Variants in PCDHGA3 observed in about 807,000 individuals in gnomAD.
PCDHGA3 encodes the protein protocadherin gamma subfamily A, 3.
A neutral mutation model predicts 58.5 loss-of-function variants in PCDHGA3; 40 were observed. The ratio of observed to expected loss-of-function variants is 0.68; its 90% confidence interval spans 0.53 to 0.89. The LOEUF is 0.89. PCDHGA3 is among the 40% of genes least tolerant of loss of function. The pLI is 0.00. For synonymous variants in PCDHGA3, 530 were observed against 525.7 expected, an observed-to-expected ratio of 1.01 and a Z score of -0.11; for missense variants, 1,223 against 1,195.9, an observed-to-expected ratio of 1.02 and a Z score of -0.33.
intron 1 of PCDHGA3, among the ~76,000 whole-genome samples, chr5:141,347,137 C>CTCTTTCTTTCTTTCTT (rs70988799): frequency 0.086 from 9,761 of 113,734 alleles, 841 homozygotes; most frequent in African/African-American, 0.13. Flanking sequence ...CTCTGTTTCT[C>CTCTTTCTTTCTTTCTT]TCTTTCTTTC....
At chr5:141,360,676 G>C in intron 1 of PCDHGA3, 2 of 1,613,952 alleles carry the variant, frequency 1.2e-6, no homozygotes, top group Non-Finnish European at 1.7e-6. Flanking sequence ...CTTTGATCTC[G>C]CTGAGAAACA....
Position 141,476,855 on chromosome 5 carries a change from T to C in PCDHGA3, c.2425-17952T>C, listed in dbSNP as rs149491772. The C allele has an allele frequency of 3.2e-4, 519 of 1,613,836 alleles. 3 individuals carry two copies. The African/African-American group carries it at 6.2e-3, about 19-fold the overall frequency. Reference sequence around the variant, plus strand: ...TGACAATGCGCCTGTCTTCAACCAGTCCTTGTACCGGGCGCGCGTCCTGGA... The same window carrying C: ...TGACAATGCGCCTGTCTTCAACCAGCCCTTGTACCGGGCGCGCGTCCTGGA... On this transcript the variant is annotated intron_variant, in intron 1 of 3. Coordinates refer to ENST00000253812, the MANE Select transcript of PCDHGA3 (RefSeq NM_018916.4). This position sits in a 1 kb window ranked among gnomAD's most constrained non-coding sequence, Gnocchi z 7.6.
intron 1 of PCDHGA3, chr5:141,439,898 C>T (rs1428014089): frequency 6.6e-6 from 1 of 152,344 alleles, no homozygotes; most frequent in African/African-American, 2.4e-5. Context: ...ACCAAGGCGA[C>T]TACTGCCTCC....
In PCDHGA3 at chr5:141,393,593, G is replaced by A. The variant is rs2092803808; in HGVS notation, c.2424+47136G>A. ...TTGAGAACATGCCCCCAGGCACGCG[G>A]CTGCTTACTGTAACAGCCAGCGACC... On this transcript the variant is annotated intron_variant, in intron 1 of 3. Transcript: ENST00000253812. The A allele has an allele frequency of 5.0e-6, 8 of 1,613,906 alleles. No individual in the cohort carries two copies. The East Asian group carries it at 1.8e-4, about 36-fold the overall frequency.
At chr5:141,423,107 T>G (rs1590430250) in intron 1 of PCDHGA3, 1 of 1,613,696 alleles carries the variant, frequency 6.2e-7, no homozygotes, top group East Asian at 2.2e-5. Flanking sequence ...ACGGGCGAGG[T>G]GCGTACAGCG....
rs2099615817 is a variant in PCDHGA3 at position 141,485,564 on chromosome 5, C to G, written c.2425-9243C>G. On this transcript the variant is annotated intron_variant, in intron 1 of 3. Coordinates refer to ENST00000253812, the MANE Select transcript of PCDHGA3 (RefSeq NM_018916.4). This position sits in a 1 kb window ranked among gnomAD's most constrained non-coding sequence, Gnocchi z 5.7. ...GATCGTAGATGTGAATGATCACGCCCCCCGTTTTCCGCGGCAGCAGCTGGA... is the reference window on the plus strand; with the variant it reads ...GATCGTAGATGTGAATGATCACGCCGCCCGTTTTCCGCGGCAGCAGCTGGA... 6.2e-7 allele frequency: 1 copy of G among 1,612,958 alleles called. No individual in the cohort carries two copies. The highest frequency in any genetic ancestry group is 8.5e-7 in the Non-Finnish European group (1 of 1,179,052).
chr5:141,484,907 C>T, intron 1 of PCDHGA3: 1 of 409,994 alleles, frequency 2.4e-6, no homozygotes, highest in Non-Finnish European at 4.3e-6. Context: ...AATGCTGCGA[C>T]GCATTAACCC....
chr5:141,455,162 T>G (rs1002208156), intron 1 of PCDHGA3, among the ~76,000 whole-genome samples: 5 of 150,972 alleles, frequency 3.3e-5, no homozygotes, highest in African/African-American at 7.3e-5. Context: ...GTTTGTTGGT[T>G]TTTTTTTTAG....
chr5:141,474,011 A>T (rs910186122), intron 1 of PCDHGA3, among the ~76,000 whole-genome samples: 2 of 152,112 alleles, frequency 1.3e-5, no homozygotes, highest in Non-Finnish European at 2.9e-5. Flanking sequence ...TGGAAGTTAC[A>T]GTGAGCTATG....
Position 141,487,532 on chromosome 5 carries a change from A to C in PCDHGA3, c.2425-7275A>C. 6.2e-7 allele frequency: 1 copy of C among 1,614,158 alleles called. No homozygotes were observed. Among genetic ancestry groups the C allele is most frequent in the Non-Finnish European group, 8.5e-7 (1 of 1,180,022 alleles). On this transcript the variant is annotated intron_variant, in intron 1 of 3. Transcript: ENST00000253812. This position sits in a 1 kb window ranked among gnomAD's most constrained non-coding sequence, Gnocchi z 5.0. Reference sequence around the variant, plus strand: ...ACCCACTCGGAGTGATAGCTTCATGATGGTGAAGTCACCCAGTGCACCTAT... The same window carrying C: ...ACCCACTCGGAGTGATAGCTTCATGCTGGTGAAGTCACCCAGTGCACCTAT...
chr5:141,410,682 C>T (rs1589771736), intron 1 of PCDHGA3: 2 of 1,531,954 alleles, frequency 1.3e-6, no homozygotes, highest in South Asian at 1.2e-5. Context: ...ATATTTTAGG[C>T]ATACTACTTT....
At chr5:141,434,843 G>C (rs1302739038) in intron 1 of PCDHGA3, among the ~76,000 whole-genome samples, 2 of 151,746 alleles carry the variant, frequency 1.3e-5, no homozygotes, top group African/African-American at 4.8e-5. Flanking sequence ...TTATAAAGCA[G>C]ACATCAATAA....
chr5:141,355,951 G>A (rs1178682642), intron 1 of PCDHGA3: 2 of 1,613,798 alleles, frequency 1.2e-6, no homozygotes, highest in African/African-American at 1.3e-5. Flanking sequence ...CCACGTAAGT[G>A]TTCGTGAGAA....
At chr5:141,350,525 C>T in intron 1 of PCDHGA3, 2 of 1,613,934 alleles carry the variant, frequency 1.2e-6, no homozygotes, top group Non-Finnish European at 1.7e-6. Flanking sequence ...TAGGATAGAT[C>T]GAGAGAAGAT....
chr5:141,384,714 A>G (rs750526941), intron 1 of PCDHGA3: 8 of 1,614,076 alleles, frequency 5.0e-6, no homozygotes, highest in African/African-American at 1.3e-5. Context: ...CCTGGCTGTC[A>G]TACCTCCTGC....
intron 1 of PCDHGA3, among the ~76,000 whole-genome samples, chr5:141,445,429 C>G (rs974775529): frequency 2.6e-5 from 4 of 152,200 alleles, no homozygotes; most frequent in Non-Finnish European, 5.9e-5. Flanking sequence ...ATGCAAGGCA[C>G]TGACCTATGG....
At chr5:141,409,576 G>C (rs1238671221) in intron 1 of PCDHGA3, 52 of 1,613,806 alleles carry the variant, frequency 3.2e-5, no homozygotes, top group Non-Finnish European at 4.2e-5. Flanking sequence ...CGTCCTACGT[G>C]GTCCACGTGG....
At position 141,403,413 on chromosome 5, in the gene PCDHGA3, T is replaced by G. The variant is rs1467852757; in HGVS notation, c.2424+56956T>G. The G allele has an allele frequency of 1.2e-6, 2 of 1,613,928 alleles. No individual in the cohort carries two copies. Among genetic ancestry groups the G allele is most frequent in the African/African-American group, 2.7e-5 (2 of 74,948 alleles). ...GCGGTTCCTGGAGCACGTTATCCACTTCCAGAAGCTATTGATCCGGATGTT... is the reference window on the plus strand; with the variant it reads ...GCGGTTCCTGGAGCACGTTATCCACGTCCAGAAGCTATTGATCCGGATGTT... On this transcript the variant is annotated intron_variant, in intron 1 of 3. Transcript: ENST00000253812.
At chr5:141,351,761 G>A (rs749923347) in intron 1 of PCDHGA3, 37 of 1,613,456 alleles carry the variant, frequency 2.3e-5, no homozygotes, top group Non-Finnish European at 2.5e-5. Flanking sequence ...GTTGTCCTAC[G>A]TGTCCGTGAG....
Sources: allele counts gnomAD v4.1 joint callset (sites outside exome capture counted in the v4.1 genomes callset), GRCh38; gene constraint gnomAD v4.1.1; non-coding constraint Gnocchi (gnomAD v3.1); transcripts MANE v1.5; gene names NCBI Gene and HGNC (gene_info 2026-07-23, HGNC 2026-07-21).